DLEC1: variants seen among roughly 807,000 people sequenced by gnomAD.
DLEC1 encodes DLEC1 cilia and flagella associated protein, also known as deleted in lung and esophageal cancer protein 1.
A neutral mutation model predicts 198.1 loss-of-function variants in DLEC1; 146 were observed. The observed-to-expected ratio is 0.74, with a 90% confidence interval of 0.64 to 0.85. DLEC1 has a LOEUF of 0.85. Among genes scored for constraint, DLEC1 ranks in the 40% least tolerant of loss-of-function variants. DLEC1 has a pLI of 0.00. For synonymous variants in DLEC1, 897 were observed against 866.8 expected (o/e 1.03, Z -0.61); for missense variants, 2,233 against 2,220.0 (o/e 1.01, Z -0.12).
intron 19 of DLEC1, among the ~76,000 whole-genome samples, chr3:38,105,349 CA>C (rs1699515895): frequency 6.6e-6 from 1 of 151,968 alleles, no homozygotes; most frequent in African/African-American, 2.4e-5. Context: ...GTTGTTTTTC[CA>C]TTATTAAAAA....
chr3:38,084,434 AGTGGTGGTGGTGGTG>A (rs1458858662), intron 7 of DLEC1, among the ~76,000 whole-genome samples, 189 bp downstream of exon 7: 1 of 1,988 alleles, frequency 5.0e-4, no homozygotes, highest in African/African-American at 1.8e-3. Context: ...TAGTAGTAGT[AGTGGTGGTGGTGGTG>A]GTGGTAGTAG....
At chr3:38,055,984 C>T (rs1266464753) in intron 2 of DLEC1, among the ~76,000 whole-genome samples, 2 of 150,118 alleles carry the variant, frequency 1.3e-5, no homozygotes, top group African/African-American at 2.4e-5. Context: ...TTCGGGAGAC[C>T]GAGTTGGGTG....
rs372807762 is a variant in DLEC1, at chr3:38,123,025, C to T, written c.*613C>T. ...TAGAGCAGCAGGACTGTCTGCGTAG[C>T]GCCTCCAGCCTGGGACCTCACTCAG... On this transcript the variant is annotated 3_prime_UTR_variant, in exon 37 of 37. Transcript: ENST00000308059. 59 of 1,612,784 alleles carry T rather than the reference C, an allele frequency of 3.7e-5. No individual in the cohort carries two copies. The highest frequency in any genetic ancestry group is 8.3e-5 in the Admixed American group (5 of 59,998).
chr3:38,120,741 G>A, intron 34 of DLEC1, 132 bp downstream of exon 34: 1 of 1,282,050 alleles, frequency 7.8e-7, no homozygotes, highest in Non-Finnish European at 1.1e-6. Context: ...CTGGGGCTCA[G>A]TCTCCCCTAG....
chr3:38,100,013 C>T (rs957594258), intron 18 of DLEC1, among the ~76,000 whole-genome samples: 5 of 152,224 alleles, frequency 3.3e-5, no homozygotes, highest in Non-Finnish European at 7.3e-5. Flanking sequence ...CCTGGAGCAC[C>T]TCCCTCCGCC....
intron 25 of DLEC1, among the ~76,000 whole-genome samples, chr3:38,114,110 T>TAAAAAA (rs35524280): frequency 1.1e-5 from 1 of 87,922 alleles, no homozygotes; most frequent in African/African-American, 4.7e-5. Context: ...CTGTGTCTAC[T>TAAAAAA]AAAAAAAAAA....
At chr3:38,064,583 C>T (rs936924649) in intron 6 of DLEC1, among the ~76,000 whole-genome samples, 19 of 145,938 alleles carry the variant, frequency 1.3e-4, no homozygotes, top group Non-Finnish European at 2.3e-4. Flanking sequence ...CCGGACGGGG[C>T]GGCCGGGCAG....
chr3:38,117,298 G>A lies in DLEC1; in HGVS notation c.4396G>A (p.Ala1466Thr), dbSNP rs372781636. ...GGACCTGCATAGCTACGTGAGGCCTGCACAGTGAGTCAGCTGGGGTGCCCC... is the reference window on the plus strand; with the variant it reads ...GGACCTGCATAGCTACGTGAGGCCTACACAGTGAGTCAGCTGGGGTGCCCC... ...KLDLHSYVRP[A>T]QLSVELDYGG... Residue 1466 changes from alanine to threonine, a missense_variant, in exon 31 of 37, where the codon GCA (alanine) becomes ACA (threonine). Transcript: ENST00000308059. The A allele has an allele frequency of 6.2e-7, 1 of 1,614,010 alleles. No individual in the cohort carries two copies. Among genetic ancestry groups the A allele is most frequent in the Non-Finnish European group, 8.5e-7 (1 of 1,179,942 alleles).
chr3:38,061,847 T>C (rs1035341223), intron 3 of DLEC1, among the ~76,000 whole-genome samples: 1 of 152,192 alleles, frequency 6.6e-6, no homozygotes, highest in Admixed American at 6.5e-5. Context: ...TTTAAATTTA[T>C]TTTTTGTAGA....
At chr3:38,067,584 A>T (rs1048262317) in intron 6 of DLEC1, among the ~76,000 whole-genome samples, 7 of 152,172 alleles carry the variant, frequency 4.6e-5, no homozygotes, top group Non-Finnish European at 8.8e-5. Flanking sequence ...CTTAGGGGTG[A>T]CATAAAAGTT....
At position 38,122,461 on chromosome 3, in the gene DLEC1, T is replaced by C. The variant is rs761958597; in HGVS notation, c.*49T>C. 6 of 1,613,874 alleles carry C rather than the reference T, an allele frequency of 3.7e-6. No individual in the cohort carries two copies. The highest frequency in any genetic ancestry group is 5.1e-6 in the Non-Finnish European group (6 of 1,179,992). On this transcript the variant is annotated 3_prime_UTR_variant, in exon 37 of 37. Coordinates refer to ENST00000308059, the MANE Select transcript of DLEC1 (RefSeq NM_007335.4). ...CAGGCCCCAGCTGGAGAAAAAACAT[T>C]GCCCAGGGATTAGGAGCAGCTCTTC... is the stretch of plus-strand genomic sequence containing the variant.
chr3:38,085,964 C>T (rs573278249), intron 8 of DLEC1, among the ~76,000 whole-genome samples: 2 of 152,326 alleles, frequency 1.3e-5, no homozygotes, highest in African/African-American at 4.8e-5. Context: ...CTGGGTGGCC[C>T]TGGCTGAGCA....
chr3:38,068,487 T>C (rs1342729173), intron 6 of DLEC1, among the ~76,000 whole-genome samples: 1 of 152,224 alleles, frequency 6.6e-6, no homozygotes, highest in Admixed American at 6.5e-5. Context: ...CGCCTCGGCT[T>C]CCTAAAGTGC....
chr3:38,107,788 G>C, intron 20 of DLEC1, 51 bp downstream of exon 20: 1 of 1,587,674 alleles, frequency 6.3e-7, no homozygotes, highest in South Asian at 1.1e-5. Context: ...CAGCCACAGA[G>C]GCCCACATAG....
Position 38,121,769 on chromosome 3 carries a change from A to T in DLEC1, c.5008A>T (p.Thr1670Ser). 2 of 1,613,928 alleles carry T rather than the reference A, an allele frequency of 1.2e-6. No individual in the cohort carries two copies. The highest frequency in any genetic ancestry group is 8.5e-7 in the Non-Finnish European group (1 of 1,179,898). The change falls in exon 35 of 37, where the codon ACT (threonine) becomes TCT (serine). Residue 1670 changes from threonine (T) to serine (S), a missense_variant. Thr to Ser is a moderately conservative substitution (Grantham distance 58). Coordinates refer to ENST00000308059, the MANE Select transcript of DLEC1 (RefSeq NM_007335.4). Reference sequence around the variant, plus strand: ...CCTGAGCGGGTGCCGAAGCTACTGGACTATGCTGATGGGTATGTCCTACCC... The same window carrying T: ...CCTGAGCGGGTGCCGAAGCTACTGGTCTATGCTGATGGGTATGTCCTACCC... The part of the protein sequence containing the change: ...MNLSGCRSYW[T>S]MLMGQQEPAK...
chr3:38,053,030 G>C (rs1701206342), intron 2 of DLEC1, among the ~76,000 whole-genome samples: 1 of 152,248 alleles, frequency 6.6e-6, no homozygotes, highest in Admixed American at 6.5e-5. Flanking sequence ...AACCGCGAGT[G>C]ATCTGCCAGC....
intron 2 of DLEC1, chr3:38,052,121 T>G (rs1701148133): frequency 2.8e-6 from 1 of 351,268 alleles, no homozygotes. Context: ...TCCTCGACCC[T>G]GTGCAACAGA....
At position 38,100,314 on chromosome 3, in the gene DLEC1, G is replaced by A; in HGVS notation, c.2753G>A (p.Ser918Asn). The change falls in exon 19 of 37, where the codon AGT becomes AAT. Residue 918 changes from serine (S) to asparagine (N), a missense_variant. By Grantham distance (46) the Ser-to-Asn change is conservative. Transcript: ENST00000308059. ...TCTCCCTTCGACATTGAGCCTTCGAGTGGCCAGCTTCACTCTCTGGGGGAG... is the reference window on the plus strand; with the variant it reads ...TCTCCCTTCGACATTGAGCCTTCGAATGGCCAGCTTCACTCTCTGGGGGAG... ...DVSPFDIEPS[S>N]GQLHSLGECR... The A allele has an allele frequency of 6.2e-7, 1 of 1,613,136 alleles. No individual in the cohort carries two copies.
At chr3:38,080,225 T>C (rs1697893386) in intron 6 of DLEC1, among the ~76,000 whole-genome samples, 1 of 152,088 alleles carries the variant, frequency 6.6e-6, no homozygotes, top group African/African-American at 2.4e-5. Context: ...GGAACGAAAC[T>C]GTAAGCCGGA....
Sources: allele counts gnomAD v4.1 joint callset (sites outside exome capture counted in the v4.1 genomes callset), GRCh38; gene constraint gnomAD v4.1.1; transcripts MANE v1.5; gene names NCBI Gene and HGNC (gene_info 2026-07-23, HGNC 2026-07-21).